ST6GAL2: variants seen among roughly 807,000 people sequenced by gnomAD.
ST6GAL2 encodes the protein ST6 beta-galactoside alpha-2,6-sialyltransferase 2.
In ST6GAL2, 24 loss-of-function variants were observed where a neutral mutation model predicts 37.5. The ratio of observed to expected loss-of-function variants is 0.64; its 90% confidence interval spans 0.46 to 0.90. ST6GAL2 has a LOEUF of 0.90. ST6GAL2 is among the 40% of genes least tolerant of loss of function. The pLI is 0.00. For synonymous variants in ST6GAL2, 306 were observed against 295.1 expected (o/e 1.04, Z -0.38); for missense variants, 715 against 712.7 (o/e 1.00, Z -0.04).
chr2:106,826,447 G>A (rs1383793686), intron 5 of ST6GAL2, among the ~76,000 whole-genome samples: 1 of 151,972 alleles, frequency 6.6e-6, no homozygotes, highest in Non-Finnish European at 1.5e-5. Context: ...GGCTGAGGCA[G>A]GAGAATTGCT....
chr2:106,851,635 T>C (rs985103466), intron 1 of ST6GAL2, among the ~76,000 whole-genome samples: 7 of 151,864 alleles, frequency 4.6e-5, no homozygotes, highest in Non-Finnish European at 8.8e-5. Context: ...ACAAGCTTTA[T>C]TGCCCATTTT....
At chr2:106,871,526 T>C (rs1305160851) in intron 1 of ST6GAL2, among the ~76,000 whole-genome samples, 1 of 152,240 alleles carries the variant, frequency 6.6e-6, no homozygotes, top group African/African-American at 2.4e-5. Context: ...TTGTAACACT[T>C]AGCTTAAAAC....
At chr2:106,855,515 T>C (rs1187056198) in intron 1 of ST6GAL2, among the ~76,000 whole-genome samples, 1 of 152,196 alleles carries the variant, frequency 6.6e-6, no homozygotes, top group African/African-American at 2.4e-5. Flanking sequence ...ACCTAGTAGC[T>C]ACCTCTGAGG....
At chr2:106,869,966 C>T (rs904615280) in intron 1 of ST6GAL2, among the ~76,000 whole-genome samples, 3 of 152,184 alleles carry the variant, frequency 2.0e-5, no homozygotes, top group Non-Finnish European at 4.4e-5. Context: ...CTAGCCACTG[C>T]GCTGTGCCAC....
At chr2:106,847,894 AGTT>A (rs896347211) in intron 1 of ST6GAL2, among the ~76,000 whole-genome samples, 2 of 152,018 alleles carry the variant, frequency 1.3e-5, no homozygotes, top group Non-Finnish European at 2.9e-5. Flanking sequence ...CAGAATCTAG[AGTT>A]GTTATTAGGG....
intron 1 of ST6GAL2, among the ~76,000 whole-genome samples, chr2:106,883,510 C>G (rs1678835491): frequency 6.6e-6 from 1 of 152,150 alleles, no homozygotes; most frequent in Non-Finnish European, 1.5e-5. Context: ...TTCCCTTCCA[C>G]TTTCCAAAAT....
chr2:106,809,762 A>G (rs1675541915), intron 5 of ST6GAL2, among the ~76,000 whole-genome samples: 1 of 152,220 alleles, frequency 6.6e-6, no homozygotes, highest in African/African-American at 2.4e-5. Flanking sequence ...ATCACAGACC[A>G]ATGCTTTTGT....
intron 5 of ST6GAL2, among the ~76,000 whole-genome samples, chr2:106,826,499 C>T (rs1243737095): frequency 1.3e-5 from 2 of 149,050 alleles, no homozygotes; most frequent in Non-Finnish European, 3.0e-5. Context: ...GAGATCGTGC[C>T]ACTGCACTCC....
intron 1 of ST6GAL2, among the ~76,000 whole-genome samples, chr2:106,884,942 CACACACACAT>C (rs1678914976): frequency 4.5e-5 from 4 of 89,364 alleles, no homozygotes; most frequent in African/African-American, 1.6e-4. Context: ...TATACATACA[CACACACACAT>C]ATATACATAT....
At chr2:106,886,322 G>C (rs1678992194), upstream of ST6GAL2, 1 of 152,214 alleles carries the variant, frequency 6.6e-6, no homozygotes, top group Non-Finnish European at 1.5e-5. Flanking sequence ...CAGAAGGCGA[G>C]TGCGCGGCGG....
chr2:106,819,800 A>G lies in ST6GAL2; in HGVS notation c.1318+10266T>C, dbSNP rs911562326. The stretch of plus-strand genomic sequence containing the variant: ...ACTATAACAACTTTTCAAGATACAG[A>G]CATTAAAAAAAGATATAAAGAGAAA... On this transcript the variant is annotated intron_variant, in intron 5 of 5. Coordinates refer to ENST00000409382, the MANE Select transcript of ST6GAL2 (RefSeq NM_001142351.2). Among the ~76,000 whole-genome samples the G allele has an allele frequency of 6.0e-4, 91 of 152,196 alleles. 1 individual carries two copies. Among genetic ancestry groups the G allele is most frequent in the Non-Finnish European group, 1.3e-4 (9 of 67,954 alleles).
At position 106,806,697 on chromosome 2, in the gene ST6GAL2, G is replaced by A; in HGVS notation, c.1571C>T (p.Pro524Leu). The change falls in exon 6 of 6, where the codon CCA becomes CTA. Residue 524 changes from proline to leucine, a missense_variant. Coordinates refer to ENST00000409382, the MANE Select transcript of ST6GAL2 (RefSeq NM_001142351.2). ...CCCTTTTTAAGAGTGTGGAATGACT[G>A]GACTTGGTGCAGGGCAGTGCACCGC... is the stretch of plus-strand genomic sequence containing the variant. ...FQAVHCPAPSPVIPHS is the reference protein window; with the variant it reads ...FQAVHCPAPSLVIPHS 1 of 1,614,040 alleles carries A rather than the reference G, an allele frequency of 6.2e-7. No individual in the cohort carries two copies. Among genetic ancestry groups the A allele is most frequent in the South Asian group, 1.1e-5 (1 of 91,076 alleles).
At chr2:106,827,319 T>C (rs1049680960) in intron 5 of ST6GAL2, among the ~76,000 whole-genome samples, 7 of 152,198 alleles carry the variant, frequency 4.6e-5, no homozygotes, top group African/African-American at 1.7e-4. Context: ...GCTCTCAGCC[T>C]ATTTATGATC....
chr2:106,865,612 T>G (rs1259978893), intron 1 of ST6GAL2, among the ~76,000 whole-genome samples: 3 of 152,184 alleles, frequency 2.0e-5, no homozygotes, highest in Non-Finnish European at 2.9e-5. Flanking sequence ...CGAACATTTA[T>G]TTATGTGGCT....
Position 106,881,814 on chromosome 2 carries a change from C to G in ST6GAL2, c.-58+4279G>C, listed in dbSNP as rs116385336. Among the ~76,000 whole-genome samples, 1,041 of 152,256 alleles carry G rather than the reference C, an allele frequency of 6.8e-3. 13 individuals are homozygous for G. Among genetic ancestry groups the G allele is most frequent in the African/African-American group, 0.024 (979 of 41,544 alleles). On this transcript the variant is annotated intron_variant, in intron 1 of 5. Coordinates refer to ENST00000409382, the MANE Select transcript of ST6GAL2 (RefSeq NM_001142351.2). ...AGTGTGAATTATAAACTTCTGAAAA[C>G]AAAGACTTATAATCAAGATATTGCA...
At chr2:106,815,908 C>G (rs1675784095) in intron 5 of ST6GAL2, among the ~76,000 whole-genome samples, 1 of 152,164 alleles carries the variant, frequency 6.6e-6, no homozygotes, top group African/African-American at 2.4e-5. Flanking sequence ...ACATCAATCA[C>G]AGCCTCCCAT....
intron 5 of ST6GAL2, among the ~76,000 whole-genome samples, chr2:106,827,147 A>G (rs921249214): frequency 5.9e-5 from 9 of 152,330 alleles, no homozygotes; most frequent in East Asian, 1.9e-4. Flanking sequence ...CCTTCTTAAC[A>G]TGACCTCAGA....
At chr2:106,854,579 G>T (rs930985177) in intron 1 of ST6GAL2, among the ~76,000 whole-genome samples, 4 of 152,026 alleles carry the variant, frequency 2.6e-5, no homozygotes, top group African/African-American at 9.7e-5. Context: ...TGCATTATAT[G>T]TATTATAATA....
intron 5 of ST6GAL2, among the ~76,000 whole-genome samples, chr2:106,820,750 A>C (rs1353418287): frequency 6.6e-6 from 1 of 152,106 alleles, no homozygotes; most frequent in Non-Finnish European, 1.5e-5. Flanking sequence ...AGTCTTAAAA[A>C]ATTTGAAAAA....
Sources: gnomAD v4.1 joint callset for allele counts (sites outside exome capture counted in the v4.1 genomes callset) on GRCh38, gnomAD v4.1.1 for gene constraint, MANE v1.5 for transcripts, NCBI Gene and HGNC (gene_info 2026-07-23, HGNC 2026-07-21) for gene names.